Variants in OR4F5 observed in about 807,000 individuals in gnomAD.
OR4F5 encodes the protein olfactory receptor 4F5.
Under a neutral mutation model 5.8 loss-of-function variants are expected in OR4F5, and 1 was observed. The ratio of observed to expected loss-of-function variants is 0.17; its 90% confidence interval spans 0.06 to 0.82. The LOEUF (loss-of-function observed/expected upper bound fraction) is 0.82, where lower values mean the gene tolerates loss of function less well. Among genes scored for constraint, OR4F5 ranks in the 40% least tolerant of loss-of-function variants. The pLI, the probability that OR4F5 is intolerant of heterozygous loss-of-function variation, is 0.72. For synonymous variants in OR4F5, 18 were observed against 63.7 expected, an observed-to-expected ratio of 0.28 and a Z score of 3.42; for missense variants, 47 against 175.5, an observed-to-expected ratio of 0.27 and a Z score of 4.14.
intron 2 of OR4F5, among the ~76,000 whole-genome samples, chr1:66,225 A>G (rs1482752507): frequency 4.6e-5 from 1 of 21,814 alleles, no homozygotes; most frequent in Admixed American, 8.0e-4. Context: ...TATAATATAT[A>G]TTATATAATA....
intron 2 of OR4F5, among the ~76,000 whole-genome samples, chr1:66,175 T>TAA: frequency 2.1e-5 from 2 of 94,698 alleles, no homozygotes; most frequent in African/African-American, 6.6e-5. Context: ...TATATATATA[T>TAA]TATATATACT....
intron 2 of OR4F5, among the ~76,000 whole-genome samples, chr1:66,208 TTA>T (rs1357666576): frequency 3.2e-4 from 25 of 79,358 alleles, no homozygotes; most frequent in African/African-American, 7.0e-4. Context: ...ATATTACATA[TTA>T]TATATATAAT....
chr1:66,695 G>A (rs1458959069), intron 2 of OR4F5, among the ~76,000 whole-genome samples: 1 of 116,450 alleles, frequency 8.6e-6, no homozygotes, highest in Non-Finnish European at 1.9e-5. Context: ...AACAGTGGCT[G>A]GCTCTTCATG....
intron 2 of OR4F5, among the ~76,000 whole-genome samples, chr1:65,926 TATA>T (rs1208161269): frequency 9.0e-6 from 1 of 111,006 alleles, no homozygotes; most frequent in Admixed American, 1.0e-4. Context: ...CCCTCCTTTT[TATA>T]ATACCAGTGA....
chr1:66,269 A>G, intron 2 of OR4F5, among the ~76,000 whole-genome samples: 1 of 21,864 alleles, frequency 4.6e-5, no homozygotes, highest in South Asian at 1.2e-3. Context: ...ATATAAATAT[A>G]ATATAAATTA....
At chr1:66,564 T>C in intron 2 of OR4F5, among the ~76,000 whole-genome samples, 1 of 79,988 alleles carries the variant, frequency 1.3e-5, no homozygotes, top group Non-Finnish European at 2.9e-5. Context: ...TATTATTATA[T>C]AAAATATGTA....
At position 69,496 on chromosome 1, in the gene OR4F5, G is replaced by A. The variant is rs150690004; in HGVS notation, c.469G>A (p.Gly157Ser). The A allele has an allele frequency of 4.9e-4, 468 of 946,036 alleles. 101 individuals carry two copies. The African/African-American group carries it at 6.3e-3, about 13-fold the overall frequency. The allele number at this position is 946,036 out of a possible 1,614,324, so 58.6% of individuals were successfully genotyped here. A position where few individuals can be genotyped will look rare whatever the true frequency, so the allele number is the denominator to read the frequency against. ...TTIMCGNACV[G>S]IMAVTWGIGF... The stretch of plus-strand genomic sequence containing the variant: ...AATTATGTGTGGCAACGCATGTGTC[G>A]GCATTATGGCTGTCACATGGGGAAT... The change falls in exon 3 of 3, where the codon GGC (glycine) becomes AGC (serine). Residue 157 changes from glycine (G) to serine (S), a missense_variant. Coordinates refer to ENST00000641515, the MANE Select transcript of OR4F5 (RefSeq NM_001005484.2).
intron 2 of OR4F5, among the ~76,000 whole-genome samples, chr1:66,364 AAATATAATATATAAATTATATAATAT>A (rs1639941499): frequency 8.4e-5 from 1 of 11,876 alleles, no homozygotes; most frequent in Non-Finnish European, 2.6e-4. Context: ...TATATTATAT[AAATATAATATATAAATTATATAATAT>A]AATATATATT....
intron 2 of OR4F5, among the ~76,000 whole-genome samples, chr1:66,371 A>T (rs940148598): frequency 1.4e-4 from 1 of 7,350 alleles, no homozygotes; most frequent in Non-Finnish European, 4.6e-4. Flanking sequence ...TATAAATATA[A>T]TATATAAATT....
rs1317372601 is a variant in OR4F5 at position 68,407 on chromosome 1, A to G, written c.10-630A>G. On this transcript the variant is annotated intron_variant, in intron 2 of 2. Coordinates refer to ENST00000641515, the MANE Select transcript of OR4F5 (RefSeq NM_001005484.2). ...CCAGAGCTAAATTAAACAATCATTC[A>G]AAATTTTTCAGTAGTTCTTGTCTCT... Among the ~76,000 whole-genome samples, 628 of 77,518 alleles carry G rather than the reference A, an allele frequency of 8.1e-3. 1 individual carries two copies. The highest frequency in any genetic ancestry group is 0.04 in the Middle Eastern group (5 of 126). The allele number at this position is 77,518 out of a possible 152,430, so 50.9% of individuals were successfully genotyped here.
At chr1:66,405 A>ATT (rs1557435705) in intron 2 of OR4F5, among the ~76,000 whole-genome samples, 2 of 35,146 alleles carry the variant, frequency 5.7e-5, no homozygotes, top group Non-Finnish European at 1.4e-4. Flanking sequence ...TATATTATAT[A>ATT]ATATAATATA....
At chr1:66,300 A>AT (rs1357595668) in intron 2 of OR4F5, among the ~76,000 whole-genome samples, 3 of 16,106 alleles carry the variant, frequency 1.9e-4, no homozygotes, top group African/African-American at 3.5e-4. Context: ...TATATAATAT[A>AT]AATATAATAT....
At chr1:66,436 T>TATTC (rs1639944794) in intron 2 of OR4F5, among the ~76,000 whole-genome samples, 1 of 54,182 alleles carries the variant, frequency 1.8e-5, no homozygotes, top group Non-Finnish European at 3.4e-5. Flanking sequence ...TAAATATATA[T>TATTC]TATATTATAT....
At chr1:66,487 GAATAT>G (rs1284626009) in intron 2 of OR4F5, among the ~76,000 whole-genome samples, 962 of 40,744 alleles carry the variant, frequency 0.024, 21 homozygotes, top group South Asian at 0.047. Flanking sequence ...TATATTTATA[GAATAT>G]AATATATATT....
At chr1:66,414 T>TAATATAATATATATTATATAATATAATAC (rs1639943970) in intron 2 of OR4F5, among the ~76,000 whole-genome samples, 1 of 83,336 alleles carries the variant, frequency 1.2e-5, no homozygotes, top group Non-Finnish European at 2.3e-5. Context: ...TAATATAATA[T>TAATATAATATATATTATATAATATAATAC]ATTTTATTAT....
Position 66,456 on chromosome 1 carries a change from TTTA to T in OR4F5, c.9+888_9+890del, listed in dbSNP as rs1437964709. Among the ~76,000 whole-genome samples, 4 of 69,312 alleles carry T rather than the reference TTTA, an allele frequency of 5.8e-5. No homozygotes were observed. The South Asian group carries it at 1.1e-3, about 19-fold the overall frequency. 45.5% of individuals were successfully genotyped at this position (69,312 alleles called of 152,430 possible). A position where few individuals can be genotyped will look rare whatever the true frequency, so the allele number is the denominator to read the frequency against. ...ATATATTATATTATATAATATATAT[TTTA>T]TTATATAATATATATTATATATTTA... On this transcript the variant is annotated intron_variant, in intron 2 of 2. Transcript: ENST00000641515.
At chr1:66,420 AT>A (rs1235020973) in intron 2 of OR4F5, among the ~76,000 whole-genome samples, 1 of 80,842 alleles carries the variant, frequency 1.2e-5, no homozygotes, top group African/African-American at 4.4e-5. Flanking sequence ...AATATATTTT[AT>A]TATATAAATA....
chr1:66,445 A>G, intron 2 of OR4F5, among the ~76,000 whole-genome samples: 1 of 89,026 alleles, frequency 1.1e-5, no homozygotes, highest in African/African-American at 4.1e-5. Context: ...ATTATATTAT[A>G]TAATATATAT....
At chr1:66,290 TATATAATATAA>T (rs1639938596) in intron 2 of OR4F5, among the ~76,000 whole-genome samples, 1 of 29,520 alleles carries the variant, frequency 3.4e-5, no homozygotes, top group African/African-American at 1.0e-4. Flanking sequence ...TATTATATAA[TATATAATATAA>T]ATATAATATA....
Sources: gnomAD v4.1 joint callset for allele counts (sites outside exome capture counted in the v4.1 genomes callset) on GRCh38, gnomAD v4.1.1 for gene constraint, MANE v1.5 for transcripts, NCBI Gene and HGNC (gene_info 2026-07-23, HGNC 2026-07-21) for gene names.